The following PREX2 variants were observed in gnomAD, a reference collection of about 807,000 sequenced individuals.
PREX2 encodes phosphatidylinositol 3,4,5-trisphosphate-dependent Rac exchanger 2 protein.
Under a neutral mutation model 203.2 loss-of-function variants are expected in PREX2, and 107 were observed. That is an observed-to-expected ratio of 0.53 (90% CI 0.45 to 0.62). The LOEUF (loss-of-function observed/expected upper bound fraction) is 0.62. Among genes scored for constraint, PREX2 ranks in the 20% least tolerant of loss-of-function variants. PREX2 has a pLI of 0.00. For missense variants in PREX2, 1,777 were observed against 1,955.9 expected, an observed-to-expected ratio of 0.91 and a Z score of 1.72; for synonymous variants, 672 against 663.6, an observed-to-expected ratio of 1.01 and a Z score of -0.19.
At chr8:68,137,840 A>G (rs1811144054) in intron 32 of PREX2, among the ~76,000 whole-genome samples, 1 of 152,194 alleles carries the variant, frequency 6.6e-6, no homozygotes, top group Non-Finnish European at 1.5e-5. Context: ...TGTTACTCAC[A>G]AGATTCTAGA....
rs763478551 is a variant in PREX2 at position 68,028,713 on chromosome 8, T to C, written c.543+1390T>C. On this transcript the variant is annotated intron_variant, in intron 5 of 39. Transcript: ENST00000288368. Reference sequence around the variant, plus strand: ...CCTACAGACCTCTGACTTGACTCAGTTTGCATGTGTACTCATAACTGCAGT... The same window carrying C: ...CCTACAGACCTCTGACTTGACTCAGCTTGCATGTGTACTCATAACTGCAGT... Among the ~76,000 whole-genome samples, 4 of 151,914 alleles carry C rather than the reference T, an allele frequency of 2.6e-5. No homozygotes were observed. In the East Asian group the frequency reaches 7.7e-4, roughly 29 times the overall value.
intron 25 of PREX2, among the ~76,000 whole-genome samples, chr8:68,111,601 G>T (rs758796385): frequency 2.6e-5 from 4 of 152,082 alleles, no homozygotes; most frequent in Non-Finnish European, 4.4e-5. Context: ...CTACCCAACT[G>T]AGTGTGTTTA....
At chr8:68,053,028 A>G (rs1234649188) in intron 8 of PREX2, 69 bp from the exon 9 acceptor site, 3 of 1,394,524 alleles carry the variant, frequency 2.2e-6, no homozygotes, top group Admixed American at 2.0e-5. Context: ...TGTGTATTGA[A>G]TGATAGTGTG....
chr8:68,170,070 T>C (rs763668817), intron 35 of PREX2, among the ~76,000 whole-genome samples: 84 of 152,214 alleles, frequency 5.5e-4, no homozygotes, highest in Admixed American at 2.6e-3. Flanking sequence ...AGACAGCTTT[T>C]CTAAAATCTT....
chr8:68,106,722 T>C (rs1810421042), intron 23 of PREX2, among the ~76,000 whole-genome samples: 1 of 152,200 alleles, frequency 6.6e-6, no homozygotes, highest in Non-Finnish European at 1.5e-5. Flanking sequence ...AAAAGTTAGA[T>C]AATGACCAGT....
In PREX2 at chr8:68,115,925, T is replaced by C. The variant is rs1004472535; in HGVS notation, c.3319T>C (p.Ser1107Pro). The C allele has an allele frequency of 1.9e-6, 3 of 1,597,424 alleles. No individual in the cohort carries two copies. The highest frequency in any genetic ancestry group is 1.7e-6 in the Non-Finnish European group (2 of 1,172,510). ...TCATGACACCATCAGCAACAGAGAC[T>C]CTTACAGGTAATTCACTAATTCCTC... ...SGHDTISNRD[S>P]YSDCNSNRNS... The change falls in exon 26 of 40, where the codon TCT becomes CCT. Residue 1107 changes from serine to proline, a missense_variant. Transcript: ENST00000288368.
chr8:68,165,218 T>C (rs1421308870), intron 35 of PREX2, among the ~76,000 whole-genome samples: 1 of 152,088 alleles, frequency 6.6e-6, no homozygotes, highest in Non-Finnish European at 1.5e-5. Flanking sequence ...CAATAATTCG[T>C]CTTGGTTTAA....
intron 1 of PREX2, among the ~76,000 whole-genome samples, chr8:67,978,932 AAAG>A (rs1178407726): frequency 1.3e-5 from 2 of 152,234 alleles, no homozygotes; most frequent in South Asian, 2.1e-4. Flanking sequence ...GGTTCTCTAA[AAAG>A]AAGTTCTAAA....
chr8:67,999,337 A>G (rs775395938), intron 1 of PREX2, among the ~76,000 whole-genome samples: 2 of 152,088 alleles, frequency 1.3e-5, no homozygotes, highest in Non-Finnish European at 2.9e-5. Flanking sequence ...ACTACTGTGA[A>G]TGTGAACTAG....
chr8:68,046,808 G>A (rs1808365572), intron 8 of PREX2, among the ~76,000 whole-genome samples: 1 of 152,126 alleles, frequency 6.6e-6, no homozygotes, highest in East Asian at 1.9e-4. Flanking sequence ...GTCACTTAAA[G>A]AATTTTCAGC....
chr8:67,960,373 C>T (rs1333517367), intron 1 of PREX2, among the ~76,000 whole-genome samples: 2 of 152,072 alleles, frequency 1.3e-5, no homozygotes, highest in African/African-American at 4.8e-5. Context: ...TCCATAAACT[C>T]CAAGCTTATC....
At chr8:68,008,376 T>C (rs1301235839) in intron 1 of PREX2, among the ~76,000 whole-genome samples, 1 of 152,092 alleles carries the variant, frequency 6.6e-6, no homozygotes, top group African/African-American at 2.4e-5. Flanking sequence ...AGGAAACAAA[T>C]TGCAGACTAA....
At chr8:68,023,408 T>A (rs911478239) in intron 4 of PREX2, among the ~76,000 whole-genome samples, 6 of 152,206 alleles carry the variant, frequency 3.9e-5, no homozygotes, top group Admixed American at 3.3e-4. Flanking sequence ...ATGTGCTTAT[T>A]AACTCTTCAT....
chr8:68,119,312 T>G (rs1189216960), intron 27 of PREX2, 120 bp from the exon 28 acceptor site: 1 of 666,710 alleles, frequency 1.5e-6, no homozygotes, highest in Non-Finnish European at 2.7e-6. Context: ...ATGAGAACTG[T>G]GCATGGAATA....
rs1805363856 is a variant in PREX2, at chr8:67,952,337, G to A, written c.-58G>A. 1 of 1,335,002 alleles carries A rather than the reference G, an allele frequency of 7.5e-7. No individual in the cohort carries two copies. Among genetic ancestry groups the A allele is most frequent in the Non-Finnish European group, 9.6e-7 (1 of 1,045,848 alleles). The allele number at this position is 1,335,002 out of a possible 1,614,324, so 82.7% of individuals were successfully genotyped here. ...GCCGCCGGGGGCCGGGCAGCAGCGG[G>A]CGCGCGGGTCAGCGCTCAGCACGGC... On this transcript the variant is annotated 5_prime_UTR_variant, in exon 1 of 40. Coordinates refer to ENST00000288368, the MANE Select transcript of PREX2 (RefSeq NM_024870.4).
intron 1 of PREX2, among the ~76,000 whole-genome samples, chr8:67,984,750 C>G (rs867969336): frequency 5.3e-5 from 8 of 152,114 alleles, no homozygotes; most frequent in Non-Finnish European, 1.2e-4. Context: ...TGAGGACTCT[C>G]GAATGCACAA....
intron 35 of PREX2, among the ~76,000 whole-genome samples, chr8:68,180,648 G>T (rs533562659): frequency 6.6e-6 from 1 of 152,090 alleles, no homozygotes; most frequent in Non-Finnish European, 1.5e-5. Flanking sequence ...CACCAACAAG[G>T]TGCCAGGGCA....
At chr8:68,181,168 G>C (rs1489626949) in intron 35 of PREX2, among the ~76,000 whole-genome samples, 1 of 152,158 alleles carries the variant, frequency 6.6e-6, no homozygotes, top group East Asian at 1.9e-4. Flanking sequence ...CTCATGCAGA[G>C]TATGTTCAAT....
chr8:68,098,934 ATG>A lies in PREX2; in HGVS notation c.2554-744_2554-743del, dbSNP rs200753954. 7.4e-3 allele frequency among the ~76,000 whole-genome samples: 787 copies of A among 106,140 alleles called. 22 individuals carry two copies. Among genetic ancestry groups the A allele is most frequent in the African/African-American group, 0.03 (735 of 24,560 alleles). The allele number at this position is 106,140 out of a possible 152,430, so 69.6% of individuals were successfully genotyped here. On this transcript the variant is annotated intron_variant, in intron 22 of 39. Coordinates refer to ENST00000288368, the MANE Select transcript of PREX2 (RefSeq NM_024870.4). ...GATTAATCAGAAATGCTACATATAT[ATG>A]TGTATATATATATATATATATATAT...
Sources: allele counts gnomAD v4.1 joint callset (sites outside exome capture counted in the v4.1 genomes callset), GRCh38; gene constraint gnomAD v4.1.1; transcripts MANE v1.5; gene names NCBI Gene and HGNC (gene_info 2026-07-23, HGNC 2026-07-21).